DOCK1: variants seen among roughly 807,000 people sequenced by gnomAD.
DOCK1 encodes dedicator of cytokinesis protein 1.
Under a neutral mutation model 262.7 loss-of-function variants are expected in DOCK1, and 138 were observed. The ratio of observed to expected loss-of-function variants is 0.53; its 90% confidence interval spans 0.46 to 0.61. The LOEUF (loss-of-function observed/expected upper bound fraction) is 0.61. DOCK1 is among the 20% of genes least tolerant of loss of function. DOCK1 has a pLI of 0.00. For missense variants in DOCK1, 1,908 were observed against 2,370.7 expected, an observed-to-expected ratio of 0.80 and a Z score of 4.05; for synonymous variants, 866 against 867.4, an observed-to-expected ratio of 1.00 and a Z score of 0.03.
intron 4 of DOCK1, 42 bp from the exon 5 acceptor site, chr10:126,987,479 T>C: frequency 6.6e-7 from 1 of 1,513,524 alleles, no homozygotes; most frequent in Non-Finnish European, 9.0e-7. Flanking sequence ...TAGCAGGCAG[T>C]GAAACCGTGG....
In DOCK1 at chr10:127,037,807, A is replaced by G. The variant is rs2043741762; in HGVS notation, c.2001A>G (p.Glu667=). Residue 667 remains glutamate, a synonymous_variant, in exon 19 of 52, where the codon GAA becomes GAG. Coordinates refer to ENST00000623213, the MANE Select transcript of DOCK1 (RefSeq NM_001290223.2). ...AGCTGATGAAAGTCGATGGTGGTGA[A>G]GTAGTGAAGGTAACATGGAGCCCAA... ...LRQLMKVDGG[E]VVKFLQDTLD... 6.3e-7 allele frequency: 1 copy of G among 1,589,768 alleles called. No individual in the cohort carries two copies. The highest frequency in any genetic ancestry group is 8.6e-7 in the Non-Finnish European group (1 of 1,168,468).
chr10:127,409,489 C>G, intron 42 of DOCK1, 98 bp downstream of exon 42: 1 of 1,286,668 alleles, frequency 7.8e-7, no homozygotes, highest in Admixed American at 1.8e-5. Flanking sequence ...GGACTTTGGC[C>G]ATGGATTCGC....
intron 27 of DOCK1, among the ~76,000 whole-genome samples, chr10:127,168,053 C>G (rs2054240496): frequency 6.6e-6 from 1 of 152,172 alleles, no homozygotes; most frequent in Non-Finnish European, 1.5e-5. Context: ...CAGGTATTCT[C>G]AGCTGTTTGT....
intron 29 of DOCK1, among the ~76,000 whole-genome samples, chr10:127,260,477 T>C (rs2059985356): frequency 1.3e-5 from 2 of 152,250 alleles, no homozygotes; most frequent in African/African-American, 4.8e-5. Context: ...TAAAATGTTA[T>C]CCTGAACCTT....
intron 29 of DOCK1, among the ~76,000 whole-genome samples, chr10:127,268,822 A>C (rs2060465904): frequency 6.6e-6 from 1 of 152,104 alleles, no homozygotes; most frequent in South Asian, 2.1e-4. Flanking sequence ...TTGGAATCAC[A>C]GTGACATGAA....
chr10:126,908,203 G>T (rs2031228794), intron 1 of DOCK1, among the ~76,000 whole-genome samples: 1 of 152,230 alleles, frequency 6.6e-6, no homozygotes, highest in African/African-American at 2.4e-5. Context: ...AGTGTGCAGT[G>T]GGAGGATTTT....
At chr10:127,017,923 A>T (rs1355875321) in intron 12 of DOCK1, among the ~76,000 whole-genome samples, 1 of 152,166 alleles carries the variant, frequency 6.6e-6, no homozygotes, top group South Asian at 2.1e-4. Context: ...CTCAGTATTT[A>T]TACAAACCAC....
chr10:127,389,590 C>G (rs756598054), intron 38 of DOCK1, among the ~76,000 whole-genome samples: 1 of 152,184 alleles, frequency 6.6e-6, no homozygotes. Context: ...CTGCCCAAAT[C>G]TGAAGTCGTT....
chr10:127,066,374 C>T (rs2045875431), intron 23 of DOCK1, among the ~76,000 whole-genome samples: 1 of 152,196 alleles, frequency 6.6e-6, no homozygotes, highest in African/African-American at 2.4e-5. Flanking sequence ...GGAACCGTTT[C>T]CTGCATGCTG....
intron 1 of DOCK1, among the ~76,000 whole-genome samples, chr10:126,934,591 G>T (rs1279853949): frequency 6.6e-6 from 1 of 152,148 alleles, no homozygotes; most frequent in East Asian, 1.9e-4. Context: ...AGCAAGACTG[G>T]GCAATCTCTT....
chr10:126,911,119 C>T (rs1564977161), intron 1 of DOCK1, among the ~76,000 whole-genome samples: 2 of 152,154 alleles, frequency 1.3e-5, no homozygotes, highest in Non-Finnish European at 2.9e-5. Flanking sequence ...TAAGAAACTG[C>T]CAAACTTTCC....
At chr10:127,111,505 T>C (rs1020886398) in intron 25 of DOCK1, among the ~76,000 whole-genome samples, 14 of 152,148 alleles carry the variant, frequency 9.2e-5, no homozygotes, top group African/African-American at 3.4e-4. Context: ...TTCCTGACTG[T>C]CCATATTTCA....
At chr10:127,213,197 A>AT (rs1564907988) in intron 27 of DOCK1, among the ~76,000 whole-genome samples, 3 of 152,234 alleles carry the variant, frequency 2.0e-5, no homozygotes, top group East Asian at 3.9e-4. Flanking sequence ...GGGAAGAGAG[A>AT]GAAAAATGTT....
chr10:127,313,254 A>G (rs991963604), intron 29 of DOCK1, among the ~76,000 whole-genome samples: 3 of 152,124 alleles, frequency 2.0e-5, no homozygotes, highest in African/African-American at 7.2e-5. Flanking sequence ...CCCATATGCG[A>G]TGCAATCACT....
chr10:127,162,555 G>A (rs1379086262), intron 27 of DOCK1, among the ~76,000 whole-genome samples: 1 of 152,020 alleles, frequency 6.6e-6, no homozygotes, highest in Non-Finnish European at 1.5e-5. Context: ...TCCATGGTAG[G>A]GCAAAGTTCT....
intron 27 of DOCK1, chr10:127,128,233 T>A (rs1334888638): frequency 2.0e-5 from 3 of 152,254 alleles, no homozygotes; most frequent in Admixed American, 1.3e-4. Context: ...TCCATCAAGT[T>A]TCTGATCATG....
chr10:126,999,002 G>GTATT (rs528318830), intron 8 of DOCK1, among the ~76,000 whole-genome samples: 414 of 152,140 alleles, frequency 2.7e-3, no homozygotes, highest in Non-Finnish European at 4.4e-3. Flanking sequence ...ATTTTACAAT[G>GTATT]TATTTGGTTT....
Position 127,019,030 on chromosome 10 carries a change from C to T in DOCK1, c.1327+195C>T, listed in dbSNP as rs1564736256. ...GTGGTAGAATATGCTCCCTGGCCCC[C>T]TGTACCCCTGGATGGATCAGCTCTC... On this transcript the variant is annotated intron_variant, in intron 13 of 51. Transcript: ENST00000623213. The T allele has an allele frequency of 1.1e-5, 9 of 791,866 alleles. No homozygotes were observed. The South Asian group carries it at 1.4e-4, about 12-fold the overall frequency. The allele number at this position is 791,866 out of a possible 1,614,324, so 49.1% of individuals were successfully genotyped here.
In DOCK1 at chr10:127,409,004, G is replaced by C. The variant is rs114691907; in HGVS notation, c.4123-33G>C. 3.1e-3 allele frequency: 4,900 copies of C among 1,560,352 alleles called. 120 individuals are homozygous for C. In the African/African-American group the frequency reaches 0.057, roughly 18 times the overall value. Reference sequence around the variant, plus strand: ...GTGAACTCTTCCTGGCCCTTTCTCTGTGGTGTTATGAAATGAATGTCACCC... The same window carrying C: ...GTGAACTCTTCCTGGCCCTTTCTCTCTGGTGTTATGAAATGAATGTCACCC... On this transcript the variant is annotated intron_variant, in intron 40 of 51. Transcript: ENST00000623213.
Sources: gnomAD v4.1 joint callset for allele counts (sites outside exome capture counted in the v4.1 genomes callset) on GRCh38, gnomAD v4.1.1 for gene constraint, MANE v1.5 for transcripts, NCBI Gene and HGNC (gene_info 2026-07-23, HGNC 2026-07-21) for gene names.